Variants in MORN1 observed in about 807,000 individuals in gnomAD.
MORN1 encodes the protein MORN repeat-containing protein 1.
Under a neutral mutation model 61.9 loss-of-function variants are expected in MORN1, and 67 were observed. The ratio of observed to expected loss-of-function variants is 1.08; its 90% CI spans 0.89 to 1.33. The LOEUF is 1.33. Ranked by LOEUF, MORN1 falls within the 40% of genes most tolerant of loss-of-function variation. The pLI is 0.00. For missense variants in MORN1, 752 were observed against 691.2 expected (o/e 1.09, Z -0.99); for synonymous variants, 301 against 292.0 (o/e 1.03, Z -0.31).
rs368809330 is a variant in MORN1 at position 2,388,270 on chromosome 1, C to T, written c.216G>A (p.Thr72=). 50 of 1,613,852 alleles carry T rather than the reference C, an allele frequency of 3.1e-5. No homozygotes were observed. The Middle Eastern group carries it at 4.9e-4, about 16-fold the overall frequency. Residue 72 remains threonine, a synonymous_variant, in exon 3 of 14, where the codon ACG becomes ACA. Coordinates refer to ENST00000378531, the MANE Select transcript of MORN1 (RefSeq NM_024848.3). ...YEGAFVDGEI[T]GEGRRHWAWS... ...AGGCCCAGTGCCGGCGGCCTTCTCCCGTGATCTCTCCGTCCACAAACGCCC... is the reference window on the plus strand; with the variant it reads ...AGGCCCAGTGCCGGCGGCCTTCTCCTGTGATCTCTCCGTCCACAAACGCCC...
In MORN1 at chr1:2,349,259, C is replaced by G. The variant is rs370468716; in HGVS notation, c.1036+8173G>C. 2.5e-4 allele frequency among the ~76,000 whole-genome samples: 38 copies of G among 152,286 alleles called. 2 individuals are homozygous for G. The East Asian group carries it at 3.1e-3, about 12-fold the overall frequency. On this transcript the variant is annotated intron_variant, in intron 10 of 13. Transcript: ENST00000378531. Reference sequence around the variant, plus strand: ...TGTGGAGGAGGAGGGAACCTGAAAGCTTAAGCTTTTACCCAAAAGAGCAGC... The same window carrying G: ...TGTGGAGGAGGAGGGAACCTGAAAGGTTAAGCTTTTACCCAAAAGAGCAGC...
chr1:2,346,990 G>A (rs953115005), intron 10 of MORN1, among the ~76,000 whole-genome samples: 3 of 152,172 alleles, frequency 2.0e-5, no homozygotes, highest in African/African-American at 4.8e-5. Flanking sequence ...CCTCCTAGGA[G>A]AGGGACTCCT....
At chr1:2,332,950 C>T (rs920215223) in intron 12 of MORN1, among the ~76,000 whole-genome samples, 5 of 152,182 alleles carry the variant, frequency 3.3e-5, no homozygotes, top group African/African-American at 7.2e-5. Flanking sequence ...AGGCTGCCTA[C>T]GAGGATGCCT....
chr1:2,387,745 A>C (rs1398398465), intron 3 of MORN1: 5 of 566,194 alleles, frequency 8.8e-6, no homozygotes, highest in South Asian at 6.5e-5. Context: ...CCAGGCAGAC[A>C]CTCTCTTTGG....
rs577363546 is a variant in MORN1 at position 2,378,697 on chromosome 1, A to G, written c.538-4140T>C. ...GTAGGAGACACTCTGATGTGCACAC[A>G]CACGTGTGGCCTCTACTCTGTCTGC... On this transcript the variant is annotated intron_variant, in intron 6 of 13. Transcript: ENST00000378531. The G allele has an allele frequency of 4.6e-4, 159 of 346,780 alleles. 1 individual carries two copies. In the East Asian group the frequency reaches 8.5e-3, roughly 19 times the overall value. 21.5% of individuals were successfully genotyped at this position (346,780 alleles called of 1,614,324 possible). A position where few individuals can be genotyped will look rare whatever the true frequency, so the allele number is the denominator to read the frequency against.
intron 5 of MORN1, 106 bp from the exon 6 acceptor site, chr1:2,385,171 G>A (rs1479737011): frequency 4.4e-6 from 5 of 1,143,302 alleles, no homozygotes; most frequent in African/African-American, 3.1e-5. Flanking sequence ...GCGGGACCGA[G>A]GCAAAAATAG....
At chr1:2,352,689 T>C (rs1313687418) in intron 10 of MORN1, 3 of 152,252 alleles carry the variant, frequency 2.0e-5, no homozygotes, top group Non-Finnish European at 4.4e-5. Flanking sequence ...GCTTCCACCA[T>C]GGATGTGCAT....
intron 10 of MORN1, among the ~76,000 whole-genome samples, chr1:2,347,468 A>G (rs1641541713): frequency 6.6e-6 from 1 of 152,166 alleles, no homozygotes; most frequent in African/African-American, 2.4e-5. Context: ...AGGGGACACC[A>G]GGGAGGAGGA....
intron 8 of MORN1, 53 bp from the exon 9 acceptor site, chr1:2,358,768 G>A (rs1466202134): frequency 1.9e-6 from 3 of 1,566,384 alleles, no homozygotes; most frequent in African/African-American, 1.4e-5. Context: ...CAGAAGCGGG[G>A]TGCGCGGGCC....
At chr1:2,327,645 C>T (rs1037984499) in intron 12 of MORN1, among the ~76,000 whole-genome samples, 4 of 152,198 alleles carry the variant, frequency 2.6e-5, no homozygotes, top group Non-Finnish European at 2.9e-5. Context: ...GTGGCCCGTG[C>T]GGCTTTTAGA....
intron 10 of MORN1, among the ~76,000 whole-genome samples, chr1:2,347,789 C>G (rs1230112597): frequency 6.6e-6 from 1 of 152,206 alleles, no homozygotes; most frequent in African/African-American, 2.4e-5. Context: ...CCCCCTGCCA[C>G]CCTGCGTGCC....
chr1:2,390,148 T>G (rs547414181), intron 1 of MORN1, 152 bp from the exon 2 acceptor site: 2 of 707,986 alleles, frequency 2.8e-6, no homozygotes, highest in African/African-American at 1.8e-5. Context: ...GTGGGGCTCA[T>G]GAGCTCTCCT....
intron 6 of MORN1, chr1:2,375,398 G>C (rs1642211096): frequency 6.6e-6 from 1 of 152,368 alleles, no homozygotes; most frequent in Non-Finnish European, 1.5e-5. Context: ...TGGGCCCTGG[G>C]ATGTGTGGGA....
rs567715302 is a variant in MORN1 at position 2,334,626 on chromosome 1, C to T, written c.1250+1843G>A. On this transcript the variant is annotated intron_variant, in intron 12 of 13. Coordinates refer to ENST00000378531, the MANE Select transcript of MORN1 (RefSeq NM_024848.3). This position sits in a 1 kb window ranked among gnomAD's most constrained non-coding sequence, Gnocchi z 5.4. ...GCCGGCAGGAGGCAGGGGAAGTGGC[C>T]GCTGGTCACAGATGTGTGCCCCGAA... is the stretch of plus-strand genomic sequence containing the variant. 1.8e-4 allele frequency among the ~76,000 whole-genome samples: 27 copies of T among 152,264 alleles called. No individual in the cohort carries two copies. The highest frequency in any genetic ancestry group is 5.1e-4 in the African/African-American group (21 of 41,560).
chr1:2,342,858 T>TTTTA (rs1246238969), intron 10 of MORN1, among the ~76,000 whole-genome samples: 11 of 100,618 alleles, frequency 1.1e-4, no homozygotes, highest in South Asian at 5.8e-4. Context: ...TTTTATTTTA[T>TTTTA]TTTATTTTAT....
intron 9 of MORN1, among the ~76,000 whole-genome samples, chr1:2,358,310 T>G (rs201458091): frequency 6.6e-6 from 1 of 151,906 alleles, no homozygotes; most frequent in East Asian, 1.9e-4. Context: ...ATGTCTCCAC[T>G]CCAGACACGG....
intron 7 of MORN1, 81 bp downstream of exon 7, chr1:2,374,380 T>C (rs1642188474): frequency 1.6e-6 from 2 of 1,275,302 alleles, no homozygotes; most frequent in Non-Finnish European, 2.2e-6. Context: ...TTGGTCAGTG[T>C]TTCCCATATG....
rs200309753 is a variant in MORN1, at chr1:2,387,461, C to T, written c.316G>A (p.Gly106Ser). The T allele has an allele frequency of 2.4e-5, 39 of 1,613,772 alleles. No homozygotes were observed. The highest frequency in any genetic ancestry group is 9.3e-5 in the African/African-American group (7 of 75,058). The change falls in exon 4 of 14, where the codon GGC becomes AGC. Residue 106 changes from glycine to serine, a missense_variant. Transcript: ENST00000378531. The part of the protein sequence containing the change: ...QGYGVMEYKA[G>S]GCYEGEVSHG... ...GAGACCTCCCCTTCATAACATCCGC[C>T]GGCTTTGTACTCCATGACGCCGTAG...
intron 10 of MORN1, among the ~76,000 whole-genome samples, chr1:2,346,012 GCCACCAGGAAC>G: frequency 6.6e-6 from 1 of 151,946 alleles, no homozygotes. Flanking sequence ...CTCAGACAAA[GCCACCAGGAAC>G]CTTCCTCAGA....
Sources: gnomAD v4.1 joint callset for allele counts (sites outside exome capture counted in the v4.1 genomes callset) on GRCh38, gnomAD v4.1.1 for gene constraint, Gnocchi (gnomAD v3.1) non-coding constraint, MANE v1.5 for transcripts, NCBI Gene and HGNC (gene_info 2026-07-23, HGNC 2026-07-21) for gene names.